Variants in KIF25 observed in about 807,000 individuals in gnomAD.
The protein encoded by KIF25 is kinesin-like protein KIF25.
A neutral mutation model predicts 32.9 loss-of-function variants in KIF25; 19 were observed. That is an observed-to-expected ratio of 0.58 (90% CI 0.40 to 0.85). The LOEUF is 0.85. Among genes scored for constraint, KIF25 ranks in the 40% least tolerant of loss-of-function variants. The pLI, the probability that KIF25 is intolerant of heterozygous loss-of-function variation, is 0.00. For missense variants in KIF25, 485 were observed against 507.0 expected (o/e 0.96, Z 0.42); for synonymous variants, 225 against 213.7 (o/e 1.05, Z -0.46).
At chr6:168,021,217 C>T (rs1198826223) in intron 5 of KIF25, among the ~76,000 whole-genome samples, 1 of 152,196 alleles carries the variant, frequency 6.6e-6, no homozygotes, top group Non-Finnish European at 1.5e-5. Flanking sequence ...TGGGGGCTGT[C>T]CTCTTAATTT....
intron 2 of KIF25, among the ~76,000 whole-genome samples, chr6:168,001,531 G>A (rs1473615703): frequency 6.6e-6 from 1 of 152,202 alleles, no homozygotes; most frequent in Non-Finnish European, 1.5e-5. Flanking sequence ...CTCAGCTGCA[G>A]TAGCCTCATC....
At chr6:168,011,006 T>C (rs955199149) in intron 4 of KIF25, among the ~76,000 whole-genome samples, 2 of 152,100 alleles carry the variant, frequency 1.3e-5, no homozygotes, top group Admixed American at 1.3e-4. Context: ...TCTTTACAGT[T>C]GAGGTGAGGT....
intron 10 of KIF25, among the ~76,000 whole-genome samples, chr6:168,041,628 C>T (rs1265526502): frequency 6.6e-6 from 1 of 152,160 alleles, no homozygotes; most frequent in African/African-American, 2.4e-5. Flanking sequence ...GATTATCGAA[C>T]AGATTGTAGA....
intron 6 of KIF25, among the ~76,000 whole-genome samples, chr6:168,029,919 C>T (rs1338950173): frequency 6.6e-6 from 1 of 152,128 alleles, no homozygotes; most frequent in Non-Finnish European, 1.5e-5. Flanking sequence ...CTGCTGGAGG[C>T]GAAGTGGATC....
Position 168,030,814 on chromosome 6 carries a change from A to T in KIF25, c.134A>T (p.Asp45Val), listed in dbSNP as rs771795716. The T allele has an allele frequency of 2.0e-4, 324 of 1,613,354 alleles. No homozygotes were observed. Among genetic ancestry groups the T allele is most frequent in the Non-Finnish European group, 2.7e-4 (313 of 1,179,770 alleles). ...PAESQSAVFG[D>V]VCPLLTSLLD... ...GAGTCTCAGAGCGCGGTCTTTGGAG[A>T]TGTGTGCCCCCTACTCACTTCTCTC... The change falls in exon 7 of 13, where the codon GAT becomes GTT. Residue 45 changes from aspartate (D) to valine (V), a missense_variant. Asp to Val is a radical substitution (Grantham distance 152). This residue lies in a region of KIF25 where 480 missense variants were observed against 470.3 expected (regional missense o/e 1.02). Coordinates refer to ENST00000643607, the MANE Select transcript of KIF25 (RefSeq NM_030615.4).
At chr6:168,011,850 TTTC>T (rs1480179932) in intron 4 of KIF25, among the ~76,000 whole-genome samples, 2 of 152,170 alleles carry the variant, frequency 1.3e-5, no homozygotes, top group Non-Finnish European at 2.9e-5. Flanking sequence ...TCCTGTGAGC[TTTC>T]TTCATTATTT....
chr6:168,027,263 G>A (rs1583137886), intron 5 of KIF25, among the ~76,000 whole-genome samples: 1 of 152,138 alleles, frequency 6.6e-6, no homozygotes, highest in East Asian at 1.9e-4. Context: ...GACCACCCTG[G>A]GCAACATGGT....
At chr6:168,026,976 G>T (rs1798868588) in intron 5 of KIF25, among the ~76,000 whole-genome samples, 1 of 152,164 alleles carries the variant, frequency 6.6e-6, no homozygotes, top group Non-Finnish European at 1.5e-5. Flanking sequence ...AGACACAAGG[G>T]ATGTAGGTGA....
chr6:168,042,289 C>A lies in KIF25; in HGVS notation c.829+138C>A, dbSNP rs943563819. On this transcript the variant is annotated intron_variant, in intron 11 of 12. Transcript: ENST00000643607. Reference sequence around the variant, plus strand: ...CCCCCTCCACAGGTGAGTTCCAAATCCCGTTACATTCTCAGGGATTGGTTC... The same window carrying A: ...CCCCCTCCACAGGTGAGTTCCAAATACCGTTACATTCTCAGGGATTGGTTC... 9.3e-6 allele frequency: 9 copies of A among 966,836 alleles called. No individual in the cohort carries two copies. The African/African-American group carries it at 1.3e-4, about 14-fold the overall frequency. 59.9% of individuals were successfully genotyped at this position (966,836 alleles called of 1,614,324 possible).
intron 4 of KIF25, among the ~76,000 whole-genome samples, chr6:168,010,695 T>A (rs1389698049): frequency 6.6e-6 from 1 of 152,068 alleles, no homozygotes; most frequent in East Asian, 1.9e-4. Context: ...GTGTAGATGA[T>A]CTATCCAATG....
At chr6:168,031,345 C>T (rs1223174710) in intron 7 of KIF25, among the ~76,000 whole-genome samples, 1 of 152,190 alleles carries the variant, frequency 6.6e-6, no homozygotes, top group Non-Finnish European at 1.5e-5. Flanking sequence ...CCAATACTTT[C>T]CACTCTGGGG....
rs1380559800 is a variant in KIF25 at position 167,998,504 on chromosome 6, T to TCTGA, written c.-964_-961dup. ...AGATTTCAGAATGGATTTGGCAAGT[T>TCTGA]CTGAGCACATACGGAGAAGATGTGT... On this transcript the variant is annotated 5_prime_UTR_variant, in exon 1 of 13. The change abolishes the stop of an existing upstream ORF in the 5' untranslated region. Transcript: ENST00000643607. 1 of 152,176 alleles carries TCTGA rather than the reference T, an allele frequency of 6.6e-6. No homozygotes were observed. Among genetic ancestry groups the TCTGA allele is most frequent in the Non-Finnish European group, 1.5e-5 (1 of 68,040 alleles). The allele number at this position is 152,176 out of a possible 1,614,324, so 9.4% of individuals were successfully genotyped here. A position where few individuals can be genotyped will look rare whatever the true frequency, so the allele number is the denominator to read the frequency against.
chr6:168,007,993 C>T (rs938018636), intron 4 of KIF25, among the ~76,000 whole-genome samples: 3 of 152,172 alleles, frequency 2.0e-5, no homozygotes, highest in Non-Finnish European at 4.4e-5. Context: ...CTTAAATGGC[C>T]TGAGAGAGAA....
chr6:167,999,503 C>T (rs1315727068), intron 2 of KIF25, among the ~76,000 whole-genome samples, 183 bp downstream of exon 2: 2 of 152,368 alleles, frequency 1.3e-5, no homozygotes, highest in Non-Finnish European at 2.9e-5. Context: ...CTCTGCAGCC[C>T]TCTGTAATAC....
At chr6:168,007,967 A>G (rs897139288) in intron 4 of KIF25, among the ~76,000 whole-genome samples, 2 of 152,202 alleles carry the variant, frequency 1.3e-5, no homozygotes, top group African/African-American at 2.4e-5. Flanking sequence ...CACAGGCCCT[A>G]CTGCATCACT....
rs199500143 is a variant in KIF25 at position 168,038,683 on chromosome 6, G to C, written c.448G>C (p.Val150Leu). The C allele has an allele frequency of 1.2e-6, 2 of 1,614,108 alleles. No individual in the cohort carries two copies. Among genetic ancestry groups the C allele is most frequent in the East Asian group, 4.5e-5 (2 of 44,876 alleles). The stretch of plus-strand genomic sequence containing the variant: ...AGTGTCGGGGGTCAAGCGTGAGGTG[G>C]TGACAGCCAAGGATGGACGGACAGA... ...AAVSGVKREV[V>L]TAKDGRTEVA... Residue 150 changes from valine (V) to leucine (L), a missense_variant, in exon 9 of 13, where the codon GTG becomes CTG. By Grantham distance (32) the Val-to-Leu change is conservative. This residue lies in a region of KIF25 where 480 missense variants were observed against 470.3 expected (regional missense o/e 1.02). Coordinates refer to ENST00000643607, the MANE Select transcript of KIF25 (RefSeq NM_030615.4).
At chr6:168,004,363 G>C (rs957368837) in intron 4 of KIF25, among the ~76,000 whole-genome samples, 4 of 152,172 alleles carry the variant, frequency 2.6e-5, no homozygotes, top group Non-Finnish European at 4.4e-5. Flanking sequence ...GACTAAAGCA[G>C]ATTGAAATAT....
At chr6:168,037,840 C>G (rs929748313) in intron 8 of KIF25, among the ~76,000 whole-genome samples, 1 of 152,122 alleles carries the variant, frequency 6.6e-6, no homozygotes, top group Non-Finnish European at 1.5e-5. Flanking sequence ...CTCAGCCTCC[C>G]GAGTAGTTGG....
intron 3 of KIF25, among the ~76,000 whole-genome samples, chr6:168,003,137 C>T (rs527907736): frequency 7.2e-5 from 11 of 152,258 alleles, no homozygotes; most frequent in East Asian, 3.9e-4. Context: ...GTATCACCAC[C>T]GCTCTAAACT....
Sources: gnomAD v4.1 joint callset for allele counts (sites outside exome capture counted in the v4.1 genomes callset) on GRCh38, gnomAD v4.1.1 for gene constraint, gnomAD v4.1.1 regional missense constraint, MANE v1.5 for transcripts, NCBI Gene and HGNC (gene_info 2026-07-23, HGNC 2026-07-21) for gene names.